Variants in SEMA6D observed in about 807,000 individuals in gnomAD.
SEMA6D encodes semaphorin-6D.
In SEMA6D, 35 loss-of-function variants were observed where a neutral mutation model predicts 106.6. That is an observed-to-expected ratio of 0.33 (90% CI 0.25 to 0.44). The LOEUF is 0.44. Ranked by LOEUF, SEMA6D falls within the 20% of genes least tolerant of loss-of-function variation. The probability of loss-of-function intolerance (pLI) is 1.00; values close to 1 mark genes in which losing one functional copy is unlikely to be tolerated. For missense variants in SEMA6D, 1,185 were observed against 1,345.9 expected (o/e 0.88, Z 1.87); for synonymous variants, 499 against 487.7 (o/e 1.02, Z -0.31).
Position 47,389,992 on chromosome 15 carries a change from T to C in SEMA6D, c.-238-22401T>C, listed in dbSNP as rs531570583. Among the ~76,000 whole-genome samples the C allele has an allele frequency of 2.6e-5, 4 of 152,366 alleles. No homozygotes were observed. The East Asian group carries it at 7.7e-4, about 29-fold the overall frequency. The stretch of plus-strand genomic sequence containing the variant: ...CTACTTAAAACACTTCAATTGTTTT[T>C]TCACAAGCTCTTTTAGATGATCTTT... On this transcript the variant is annotated intron_variant, in intron 1 of 19. Transcript: ENST00000558014.
chr15:47,493,183 G>A (rs1443672852), intron 3 of SEMA6D, among the ~76,000 whole-genome samples: 2 of 152,124 alleles, frequency 1.3e-5, no homozygotes, highest in East Asian at 1.9e-4. Flanking sequence ...TTGAGATACT[G>A]TAACAGGAAT....
At chr15:47,392,248 A>T (rs1317706802) in intron 1 of SEMA6D, among the ~76,000 whole-genome samples, 1 of 152,104 alleles carries the variant, frequency 6.6e-6, no homozygotes, top group Non-Finnish European at 1.5e-5. Flanking sequence ...ACTGCAAACA[A>T]AGGATGCCAG....
intron 1 of SEMA6D, among the ~76,000 whole-genome samples, chr15:47,386,202 A>C (rs1045399751): frequency 3.3e-5 from 5 of 152,198 alleles, no homozygotes; most frequent in Admixed American, 6.5e-5. Context: ...AATTTAAGGT[A>C]AAATGACTTA....
At position 47,773,182 on chromosome 15, in the gene SEMA6D, A is replaced by G. The variant is rs904601623; in HGVS notation, c.*1397A>G. 1.4e-4 allele frequency: 21 copies of G among 152,672 alleles called. No homozygotes were observed. Among genetic ancestry groups the G allele is most frequent in the African/African-American group, 4.1e-4 (17 of 41,462 alleles). The allele number at this position is 152,672 out of a possible 1,614,324, so 9.5% of individuals were successfully genotyped here. On this transcript the variant is annotated 3_prime_UTR_variant, in exon 19 of 19. Transcript: ENST00000536845. The stretch of plus-strand genomic sequence containing the variant: ...TGTAAATGTTTTTCAACCAGCACCT[A>G]AAAAGACTCTTTTCAAAAAATCACA...
chr15:47,377,603 A>G (rs2039493186), intron 1 of SEMA6D, among the ~76,000 whole-genome samples: 1 of 152,258 alleles, frequency 6.6e-6, no homozygotes, highest in Non-Finnish European at 1.5e-5. Context: ...TGGGAGGATT[A>G]GACGTTGTCA....
At chr15:47,200,182 C>T (rs948177287) in intron 1 of SEMA6D, among the ~76,000 whole-genome samples, 11 of 152,076 alleles carry the variant, frequency 7.2e-5, no homozygotes, top group African/African-American at 1.9e-4. Context: ...AGGGAAAGGG[C>T]GAAAGGGCTG....
intron 1 of SEMA6D, among the ~76,000 whole-genome samples, chr15:47,751,848 A>T (rs1357158491): frequency 6.6e-6 from 1 of 152,026 alleles, no homozygotes; most frequent in Admixed American, 6.5e-5. Flanking sequence ...GACCTAAGGG[A>T]CTGAAAAAAA....
At chr15:47,196,547 A>C (rs1012752295) in intron 1 of SEMA6D, among the ~76,000 whole-genome samples, 9 of 152,162 alleles carry the variant, frequency 5.9e-5, no homozygotes, top group Non-Finnish European at 1.3e-4. Context: ...TGTATGTTCC[A>C]TATTCTTTTT....
chr15:47,446,672 T>A (rs1406440406), intron 2 of SEMA6D, among the ~76,000 whole-genome samples: 4 of 152,128 alleles, frequency 2.6e-5, no homozygotes, highest in Admixed American at 2.6e-4. Flanking sequence ...TAATAATAAA[T>A]CTACCATGTT....
intron 3 of SEMA6D, chr15:47,581,257 C>T (rs898268604): frequency 4.5e-5 from 19 of 420,072 alleles, no homozygotes; most frequent in Non-Finnish European, 7.5e-5. Context: ...GGGCCCCCAA[C>T]CCTATTTTCT....
intron 3 of SEMA6D, among the ~76,000 whole-genome samples, chr15:47,600,309 C>G (rs2076622638): frequency 6.6e-6 from 1 of 151,988 alleles, no homozygotes; most frequent in Non-Finnish European, 1.5e-5. Flanking sequence ...CTGAAACTTC[C>G]AACTCATTAT....
chr15:47,630,222 T>C (rs866325019), intron 4 of SEMA6D, among the ~76,000 whole-genome samples: 11 of 152,050 alleles, frequency 7.2e-5, no homozygotes, highest in Admixed American at 5.2e-4. Flanking sequence ...TCTGTTATCT[T>C]TTTGCCTTTT....
intron 4 of SEMA6D, among the ~76,000 whole-genome samples, chr15:47,706,325 T>C (rs960854891): frequency 4.6e-5 from 7 of 152,370 alleles, no homozygotes; most frequent in African/African-American, 1.7e-4. Context: ...TTGTAGTTTA[T>C]TCCTGCATTT....
chr15:47,216,704 T>C (rs1318027925), intron 1 of SEMA6D, among the ~76,000 whole-genome samples: 2 of 151,946 alleles, frequency 1.3e-5, no homozygotes, highest in Non-Finnish European at 2.9e-5. Context: ...ACAAAAAAGA[T>C]AAATACTTGA....
intron 1 of SEMA6D, among the ~76,000 whole-genome samples, chr15:47,341,470 G>A (rs533351326): frequency 6.6e-6 from 1 of 152,134 alleles, no homozygotes; most frequent in Non-Finnish European, 1.5e-5. Flanking sequence ...AGTAACACTT[G>A]CTTAGAAGAC....
In SEMA6D at chr15:47,519,921, A is replaced by T. The variant is rs538104177; in HGVS notation, c.-87+49376A>T. Among the ~76,000 whole-genome samples, 12 of 152,286 alleles carry T rather than the reference A, an allele frequency of 7.9e-5. No individual in the cohort carries two copies. In the South Asian group the frequency reaches 2.3e-3, roughly 29 times the overall value. Reference sequence around the variant, plus strand: ...TCACAAAATGCTTGAAAATCTTTTCATGCCTTGCTTGGTGCTAGGATAGAC... The same window carrying T: ...TCACAAAATGCTTGAAAATCTTTTCTTGCCTTGCTTGGTGCTAGGATAGAC... On this transcript the variant is annotated intron_variant, in intron 3 of 19. Coordinates refer to the SEMA6D transcript ENST00000558014.
At chr15:47,378,369 G>A (rs541279936) in intron 1 of SEMA6D, among the ~76,000 whole-genome samples, 55 of 152,232 alleles carry the variant, frequency 3.6e-4, no homozygotes, top group African/African-American at 1.1e-3. Context: ...GGTGGCACGC[G>A]CCTGTAATCC....
At chr15:47,508,788 C>T (rs2044134029) in intron 3 of SEMA6D, among the ~76,000 whole-genome samples, 1 of 152,190 alleles carries the variant, frequency 6.6e-6, no homozygotes, top group Admixed American at 6.5e-5. Context: ...AATACTGGCT[C>T]CATTTCTTAC....
At chr15:47,581,830 G>T (rs1487370956) in intron 3 of SEMA6D, among the ~76,000 whole-genome samples, 1 of 152,150 alleles carries the variant, frequency 6.6e-6, no homozygotes, top group South Asian at 2.1e-4. Context: ...GAGTATCTGA[G>T]GTCTAGAGAG....
Sources: allele counts gnomAD v4.1 joint callset (sites outside exome capture counted in the v4.1 genomes callset), GRCh38; gene constraint gnomAD v4.1.1; transcripts MANE v1.5; gene names NCBI Gene and HGNC (gene_info 2026-07-23, HGNC 2026-07-21).